Variants in SH3D19 observed in about 807,000 individuals in gnomAD.
SH3D19 encodes the protein SH3 domain-containing protein 19.
Under a neutral mutation model 112.1 loss-of-function variants are expected in SH3D19, and 58 were observed. The ratio of observed to expected loss-of-function variants is 0.52; its 90% CI spans 0.42 to 0.64. The LOEUF (loss-of-function observed/expected upper bound fraction) is 0.64, where lower values mean the gene tolerates loss of function less well. SH3D19 is among the 30% of genes least tolerant of loss of function. The pLI is 0.00. For synonymous variants in SH3D19, 391 were observed against 448.5 expected (o/e 0.87, Z 1.62); for missense variants, 1,090 against 1,263.4 (o/e 0.86, Z 2.08).
chr4:151,255,230 C>T lies in SH3D19; in HGVS notation c.113-29144G>A, dbSNP rs540139614. ...GCGGAGAGGCTCCTCACTTCTCAGA[C>T]GGGGCGGCTGCCGGGCGGAGGGGCT... On this transcript the variant is annotated intron_variant, in intron 1 of 19. Transcript: ENST00000604030. Among the ~76,000 whole-genome samples, 82 of 146,042 alleles carry T rather than the reference C, an allele frequency of 5.6e-4. 1 individual carries two copies. In the South Asian group the frequency reaches 0.01, roughly 19 times the overall value.
chr4:151,157,201 G>C (rs528492342), intron 9 of SH3D19, among the ~76,000 whole-genome samples: 16 of 151,332 alleles, frequency 1.1e-4, no homozygotes, highest in African/African-American at 3.9e-4. Flanking sequence ...GCAGTGAGCT[G>C]TGATCACACA....
chr4:151,200,217 C>CACAT (rs906662096), intron 2 of SH3D19, among the ~76,000 whole-genome samples: 19 of 151,840 alleles, frequency 1.3e-4, no homozygotes, highest in South Asian at 2.1e-4. Flanking sequence ...AATGGACTAA[C>CACAT]ACATACATAC....
intron 1 of SH3D19, among the ~76,000 whole-genome samples, chr4:151,265,354 TG>T (rs1772692655): frequency 6.9e-6 from 1 of 144,904 alleles, no homozygotes; most frequent in Non-Finnish European, 1.5e-5. Context: ...CTAAATCAGT[TG>T]AAAAAAAAAA....
At chr4:151,209,847 C>T (rs1373712586) in intron 2 of SH3D19, among the ~76,000 whole-genome samples, 1 of 152,106 alleles carries the variant, frequency 6.6e-6, no homozygotes, top group Non-Finnish European at 1.5e-5. Flanking sequence ...TGGATTAGTA[C>T]AAGACCCCTT....
chr4:151,319,987 G>A (rs1730377161), intron 1 of SH3D19, among the ~76,000 whole-genome samples: 1 of 152,126 alleles, frequency 6.6e-6, no homozygotes, highest in Non-Finnish European at 1.5e-5. Context: ...AGGGACTGTG[G>A]ATAAGTTGCT....
chr4:151,218,707 T>C (rs1767541740), intron 2 of SH3D19, among the ~76,000 whole-genome samples: 1 of 152,048 alleles, frequency 6.6e-6, no homozygotes, highest in Non-Finnish European at 1.5e-5. Flanking sequence ...TGATAATCAA[T>C]ACCCTAATTT....
chr4:151,198,334 A>T lies in SH3D19; in HGVS notation c.153-10871T>A, dbSNP rs13127713. On this transcript the variant is annotated intron_variant, in intron 2 of 19. Coordinates refer to ENST00000604030, the MANE Select transcript of SH3D19 (RefSeq NM_001378122.1). ...AAAAAAAAAATATATATATAATATAAAAATATATATTATATAAAATATAAA... is the reference window on the plus strand; with the variant it reads ...AAAAAAAAAATATATATATAATATATAAATATATATTATATAAAATATAAA... Among the ~76,000 whole-genome samples, 77 of 23,754 alleles carry T rather than the reference A, an allele frequency of 3.2e-3. No individual in the cohort carries two copies. The Non-Finnish European group carries it at 0.051, about 16-fold the overall frequency. 15.6% of individuals were successfully genotyped at this position (23,754 alleles called of 152,430 possible). A position where few individuals can be genotyped will look rare whatever the true frequency, so the allele number is the denominator to read the frequency against.
chr4:151,241,583 A>ATAAATTATAAATATTATAAACAT (rs1429999461), intron 1 of SH3D19, among the ~76,000 whole-genome samples: 1 of 151,112 alleles, frequency 6.6e-6, no homozygotes, highest in African/African-American at 2.5e-5. Flanking sequence ...TTATTTATTT[A>ATAAATTATAAATATTATAAACAT]AGACAGGGAC....
intron 2 of SH3D19, among the ~76,000 whole-genome samples, chr4:151,188,559 T>A (rs1291764587): frequency 1.3e-5 from 2 of 152,188 alleles, no homozygotes; most frequent in Non-Finnish European, 2.9e-5. Context: ...GCTCAAAAAA[T>A]TTCAAATTTT....
chr4:151,175,104 T>C lies in SH3D19; in HGVS notation c.1100A>G (p.Tyr367Cys). The stretch of plus-strand genomic sequence containing the variant: ...GCTTCCCGCTTCTTGCAGGGGAGGG[T>C]ATGGGGTGAGTCCTTCCTTGGAGGT... The part of the protein sequence containing the change: ...KVTSKEGLTP[Y>C]PPLQEAGSIP... Residue 367 changes from tyrosine (Y) to cysteine (C), a missense_variant, in exon 7 of 20, where the codon TAC (tyrosine) becomes TGC (cysteine). By Grantham distance (194) the Tyr-to-Cys change is radical. Transcript: ENST00000604030. The C allele has an allele frequency of 6.2e-7, 1 of 1,613,918 alleles. No individual in the cohort carries two copies. Among genetic ancestry groups the C allele is most frequent in the Non-Finnish European group, 8.5e-7 (1 of 1,179,998 alleles).
intron 1 of SH3D19, among the ~76,000 whole-genome samples, chr4:151,245,429 T>C (rs1358869513): frequency 6.6e-6 from 1 of 152,080 alleles, no homozygotes; most frequent in Non-Finnish European, 1.5e-5. Flanking sequence ...TGGATAGAGA[T>C]GGGTTCTTTC....
At chr4:151,201,395 A>G (rs1163484437) in intron 2 of SH3D19, among the ~76,000 whole-genome samples, 1 of 152,254 alleles carries the variant, frequency 6.6e-6, no homozygotes, top group Admixed American at 6.5e-5. Flanking sequence ...TTAAATCCAT[A>G]TAACATTTAG....
intron 19 of SH3D19, among the ~76,000 whole-genome samples, chr4:151,124,829 A>T (rs1748841941): frequency 6.6e-6 from 1 of 152,224 alleles, no homozygotes; most frequent in South Asian, 2.1e-4. Flanking sequence ...CAATTCTAAC[A>T]ATTCTAGAAC....
At chr4:151,127,815 G>A (rs975426627) in intron 18 of SH3D19, 100 bp from the exon 19 acceptor site, 80 of 593,474 alleles carry the variant, frequency 1.3e-4, no homozygotes, top group Non-Finnish European at 1.9e-4. Flanking sequence ...TAAAAACACA[G>A]TATCTTCTCT....
At chr4:151,149,944 G>A (rs534610957) in intron 9 of SH3D19, among the ~76,000 whole-genome samples, 20 of 151,926 alleles carry the variant, frequency 1.3e-4, no homozygotes, top group African/African-American at 4.6e-4. Context: ...CCAGCACTTT[G>A]GGAGGCTGAG....
intron 1 of SH3D19, among the ~76,000 whole-genome samples, chr4:151,229,524 C>T (rs545733467): frequency 2.6e-5 from 4 of 152,232 alleles, no homozygotes; most frequent in Non-Finnish European, 4.4e-5. Context: ...ACACACACCC[C>T]GCTCTTCCAT....
intron 12 of SH3D19, among the ~76,000 whole-genome samples, chr4:151,143,617 T>A (rs1753404289): frequency 6.6e-6 from 1 of 151,656 alleles, no homozygotes; most frequent in South Asian, 2.1e-4. Context: ...ATATTTACTT[T>A]ATTTTTTTAT....
chr4:151,204,402 C>T (rs1764813247), intron 2 of SH3D19, among the ~76,000 whole-genome samples: 2 of 152,190 alleles, frequency 1.3e-5, no homozygotes, highest in Non-Finnish European at 2.9e-5. Flanking sequence ...AGACTGCTAA[C>T]TCTTAATAGG....
intron 1 of SH3D19, among the ~76,000 whole-genome samples, chr4:151,255,851 A>C (rs1024567898): frequency 6.6e-6 from 1 of 152,202 alleles, no homozygotes; most frequent in Non-Finnish European, 1.5e-5. Context: ...ACAGCGAAAC[A>C]CCGTCTCCAC....
Sources: gnomAD v4.1 joint callset for allele counts (sites outside exome capture counted in the v4.1 genomes callset) on GRCh38, gnomAD v4.1.1 for gene constraint, MANE v1.5 for transcripts, NCBI Gene and HGNC (gene_info 2026-07-23, HGNC 2026-07-21) for gene names.